VTCN1: variants seen among roughly 807,000 people sequenced by gnomAD.
VTCN1 encodes the protein V-set domain containing T cell activation inhibitor 1.
In VTCN1, 26 loss-of-function variants were observed where a neutral mutation model predicts 26.5. That is an observed-to-expected ratio of 0.98 (90% CI 0.72 to 1.36). The LOEUF (loss-of-function observed/expected upper bound fraction) is 1.36. VTCN1 is among the 40% of genes most tolerant of loss of function. The pLI is 0.00. For missense variants in VTCN1, 298 were observed against 337.7 expected (o/e 0.88, Z 0.92); for synonymous variants, 116 against 130.7 (o/e 0.89, Z 0.77).
rs139364313 is a variant in VTCN1, at chr1:117,147,328, A to G, written c.*45+285T>C. 1.0e-3 allele frequency among the ~76,000 whole-genome samples: 158 copies of G among 152,306 alleles called. No individual in the cohort carries two copies. Among genetic ancestry groups the G allele is most frequent in the African/African-American group, 3.7e-3 (154 of 41,570 alleles). On this transcript the variant is annotated intron_variant, in intron 5 of 5. Coordinates refer to ENST00000369458, the MANE Select transcript of VTCN1 (RefSeq NM_024626.4). This position sits in a 1 kb window ranked among gnomAD's most constrained non-coding sequence, Gnocchi z 4.6. The stretch of plus-strand genomic sequence containing the variant: ...AGGGCTAAATATCTCTTTCTCTTCA[A>G]TAAGTTATTTTGCCTTCATTGATGA...
intron 1 of VTCN1, among the ~76,000 whole-genome samples, chr1:117,178,251 TTTTTTTTC>T (rs1647472128): frequency 1.1e-4 from 1 of 9,406 alleles, no homozygotes; most frequent in Admixed American, 1.1e-3. Context: ...TCTTTCTTTC[TTTTTTTTC>T]TTTTTTTTTT....
intron 1 of VTCN1, among the ~76,000 whole-genome samples, chr1:117,209,928 C>T (rs1011113860): frequency 6.6e-6 from 1 of 152,232 alleles, no homozygotes; most frequent in African/African-American, 2.4e-5. Flanking sequence ...TTTCCTCTCT[C>T]CTTCCCTCTC....
chr1:117,209,335 CAGG>C (rs1649245903), intron 1 of VTCN1, among the ~76,000 whole-genome samples: 4 of 152,256 alleles, frequency 2.6e-5, no homozygotes, highest in Admixed American at 1.3e-4. Context: ...CCACTTGTTG[CAGG>C]AGGAGTGTTT....
At position 117,147,446 on chromosome 1, in the gene VTCN1, C is replaced by T. The variant is rs1010533327; in HGVS notation, c.*45+167G>A. ...CTGTCAATGAAGTCTATGCTGTTTGCTGACCTAACAAATGATTACCTTTCC... is the reference window on the plus strand; with the variant it reads ...CTGTCAATGAAGTCTATGCTGTTTGTTGACCTAACAAATGATTACCTTTCC... On this transcript the variant is annotated intron_variant, in intron 5 of 5. Coordinates refer to ENST00000369458, the MANE Select transcript of VTCN1 (RefSeq NM_024626.4). The surrounding 1 kb of genome is among the most constrained non-coding windows in gnomAD (Gnocchi z 4.6). 6.6e-6 allele frequency among the ~76,000 whole-genome samples: 1 copy of T among 152,146 alleles called. No homozygotes were observed. The highest frequency in any genetic ancestry group is 2.4e-5 in the African/African-American group (1 of 41,430).
At position 117,175,335 on chromosome 1, in the gene VTCN1, G is replaced by T. The variant is rs1053549806; in HGVS notation, c.33-5164C>A. On this transcript the variant is annotated intron_variant, in intron 1 of 5. Coordinates refer to ENST00000369458, the MANE Select transcript of VTCN1 (RefSeq NM_024626.4). This position sits in a 1 kb window ranked among gnomAD's most constrained non-coding sequence, Gnocchi z 4.2. ...AGTAGGGCCAGAAACTACTTCAGGG[G>T]ATATAAAAAATGCACAGATATAATA... is the stretch of plus-strand genomic sequence containing the variant. Among the ~76,000 whole-genome samples the T allele has an allele frequency of 5.9e-5, 9 of 152,158 alleles. No homozygotes were observed. The highest frequency in any genetic ancestry group is 1.3e-4 in the Non-Finnish European group (9 of 68,014).
In VTCN1 at chr1:117,170,181, G is replaced by C. The variant is rs754979144; in HGVS notation, c.33-10C>G. 1 of 1,608,520 alleles carries C rather than the reference G, an allele frequency of 6.2e-7. No individual in the cohort carries two copies. The highest frequency in any genetic ancestry group is 2.2e-5 in the East Asian group (1 of 44,744). On this transcript the variant is annotated splice_polypyrimidine_tract_variant and intron_variant, in intron 1 of 5. Transcript: ENST00000369458. The stretch of plus-strand genomic sequence containing the variant: ...GATGATGCTAATTATGCTACGGGAA[G>C]AGAGAGAGAAACAGAAAATTAGTTC...
chr1:117,166,651 T>C (rs1652627125), intron 2 of VTCN1, among the ~76,000 whole-genome samples: 3 of 119,864 alleles, frequency 2.5e-5, no homozygotes, highest in Admixed American at 8.8e-5. Flanking sequence ...AGCTACTCTG[T>C]CTCAAAAAAA....
intron 3 of VTCN1, among the ~76,000 whole-genome samples, 187 bp from the exon 4 acceptor site, chr1:117,153,556 T>C (rs1343387730): frequency 6.6e-6 from 1 of 151,950 alleles, no homozygotes; most frequent in Non-Finnish European, 1.5e-5. Flanking sequence ...CGAATAATTA[T>C]TTGCTCATAG....
In VTCN1 at chr1:117,176,435, T is replaced by C. The variant is rs185682344; in HGVS notation, c.33-6264A>G. On this transcript the variant is annotated intron_variant, in intron 1 of 5. Transcript: ENST00000369458. ...GCACCTTTTCTAAAAACAAGAGCTT[T>C]CTGGATCTGCTACACAGTGTGGAAA... 5.0e-4 allele frequency among the ~76,000 whole-genome samples: 76 copies of C among 152,310 alleles called. 1 individual carries two copies. The East Asian group carries it at 0.012, about 24-fold the overall frequency.
At position 117,147,753 on chromosome 1, in the gene VTCN1, G is replaced by A; in HGVS notation, c.754C>T (p.Gln252Ter). Residue 252 changes from glutamine (Q) to a stop codon, truncating the protein, a stop_gained, in exon 5 of 6, where the codon CAG becomes TAG. Coordinates refer to ENST00000369458, the MANE Select transcript of VTCN1 (RefSeq NM_024626.4). LOFTEE classifies it high-confidence loss of function. This position sits in a 1 kb window ranked among gnomAD's most constrained non-coding sequence, Gnocchi z 4.6. Reference protein sequence around the residue: ...ESEIKRRSHLQLLNSKASLCV... With the variant: ...ESEIKRRSHL ...AGAGAAGCCTTTGAGTTTAGCAGCT[G>A]TAGGTGACTCCGCCTTTTGATCTCC... 6.8e-6 allele frequency: 11 copies of A among 1,613,936 alleles called. No individual in the cohort carries two copies. Among genetic ancestry groups the A allele is most frequent in the African/African-American group, 2.7e-5 (2 of 75,028 alleles).
chr1:117,154,783 C>CAAAAAAAAAAA (rs916361996), intron 3 of VTCN1, among the ~76,000 whole-genome samples: 2 of 39,888 alleles, frequency 5.0e-5, no homozygotes, highest in African/African-American at 8.3e-5. Context: ...AACTCCATCT[C>CAAAAAAAAAAA]AAAAAAAAAA....
intron 1 of VTCN1, among the ~76,000 whole-genome samples, chr1:117,204,602 C>CA (rs1202654221): frequency 2.0e-5 from 3 of 152,080 alleles, no homozygotes; most frequent in African/African-American, 4.8e-5. Context: ...TGCGGTGGCT[C>CA]ACGCCTGTAA....
At chr1:117,182,092 A>G (rs1346056452) in intron 1 of VTCN1, among the ~76,000 whole-genome samples, 1 of 152,150 alleles carries the variant, frequency 6.6e-6, no homozygotes, top group Non-Finnish European at 1.5e-5. Flanking sequence ...TTTATTCATT[A>G]ATAAAGCTGG....
chr1:117,209,101 C>G (rs1441049839), intron 1 of VTCN1, among the ~76,000 whole-genome samples: 1 of 152,180 alleles, frequency 6.6e-6, no homozygotes, highest in East Asian at 1.9e-4. Context: ...ATCTGCCACC[C>G]TCATGGACAG....
chr1:117,152,487 G>T (rs1179648414), intron 4 of VTCN1, among the ~76,000 whole-genome samples: 1 of 152,170 alleles, frequency 6.6e-6, no homozygotes, highest in Non-Finnish European at 1.5e-5. Context: ...CTAAAGCACT[G>T]CAGGGAGACT....
At chr1:117,178,050 C>T (rs1420790099) in intron 1 of VTCN1, among the ~76,000 whole-genome samples, 1 of 150,546 alleles carries the variant, frequency 6.6e-6, no homozygotes, top group Non-Finnish European at 1.5e-5. Flanking sequence ...GCAATCCTTC[C>T]ACCACACCTC....
At chr1:117,179,997 A>C (rs1647591952) in intron 1 of VTCN1, among the ~76,000 whole-genome samples, 2 of 152,296 alleles carry the variant, frequency 1.3e-5, no homozygotes, top group South Asian at 4.1e-4. Context: ...CCCATATTTT[A>C]TATTAATCAA....
intron 1 of VTCN1, chr1:117,203,581 A>C: frequency 1.0e-6 from 1 of 984,520 alleles, no homozygotes; most frequent in Non-Finnish European, 1.2e-6. Context: ...GATTGTGAAA[A>C]GCGCACACAG....
chr1:117,153,276 A>T lies in VTCN1; in HGVS notation c.539T>A (p.Val180Asp). ...APRWFPQPTV[V>D]WASQVDQGAN... The stretch of plus-strand genomic sequence containing the variant: ...TCCCTGGTCAACTTGGGATGCCCAG[A>T]CCACTGTGGGCTGGGGGAACCATCG... Residue 180 changes from valine (V) to aspartate (D), a missense_variant, in exon 4 of 6, where the codon GTC (valine) becomes GAC (aspartate). Transcript: ENST00000369458. The T allele has an allele frequency of 6.2e-7, 1 of 1,614,082 alleles. No individual in the cohort carries two copies. Among genetic ancestry groups the T allele is most frequent in the South Asian group, 1.1e-5 (1 of 91,070 alleles).
Sources: gnomAD v4.1 joint callset for allele counts (sites outside exome capture counted in the v4.1 genomes callset) on GRCh38, gnomAD v4.1.1 for gene constraint, Gnocchi (gnomAD v3.1) non-coding constraint, MANE v1.5 for transcripts, NCBI Gene and HGNC (gene_info 2026-07-23, HGNC 2026-07-21) for gene names.